RORA: variants seen among roughly 807,000 people sequenced by gnomAD.
RORA encodes the protein RAR related orphan receptor A, also known as nuclear receptor ROR-alpha.
Under a neutral mutation model 69.5 loss-of-function variants are expected in RORA, and 7 were observed. The ratio of observed to expected loss-of-function variants is 0.10; its 90% CI spans 0.06 to 0.19. The LOEUF (loss-of-function observed/expected upper bound fraction) is 0.19. Among genes scored for constraint, RORA ranks in the 10% least tolerant of loss-of-function variants. RORA has a pLI of 1.00. For synonymous variants in RORA, 261 were observed against 240.8 expected (o/e 1.08, Z -0.78); for missense variants, 457 against 663.0 (o/e 0.69, Z 3.41).
intron 1 of RORA, among the ~76,000 whole-genome samples, chr15:60,735,749 G>T (rs932834006): frequency 6.6e-6 from 1 of 152,150 alleles, no homozygotes; most frequent in African/African-American, 2.4e-5. Context: ...AGGCAGTTTG[G>T]CAGGAAACAC....
chr15:60,856,659 AGT>A (rs2140420065), intron 1 of RORA, among the ~76,000 whole-genome samples: 1 of 152,344 alleles, frequency 6.6e-6, no homozygotes, highest in Admixed American at 6.5e-5. Flanking sequence ...TATGCTGTAG[AGT>A]GTGAATTCAG....
intron 1 of RORA, among the ~76,000 whole-genome samples, chr15:61,211,696 T>A (rs1165921225): frequency 6.6e-6 from 1 of 152,174 alleles, no homozygotes; most frequent in Non-Finnish European, 1.5e-5. Context: ...GGGATGCCTT[T>A]CCAACAGGGC....
chr15:61,040,421 T>A (rs1896702784), intron 1 of RORA, among the ~76,000 whole-genome samples: 1 of 151,936 alleles, frequency 6.6e-6, no homozygotes, highest in Admixed American at 6.6e-5. Flanking sequence ...CAGCTCACGA[T>A]ACCTATTTTA....
chr15:61,052,947 A>G (rs1048972913), intron 1 of RORA, among the ~76,000 whole-genome samples: 1 of 152,206 alleles, frequency 6.6e-6, no homozygotes, highest in Non-Finnish European at 1.5e-5. Context: ...AATTCACTGA[A>G]AGTGCTTTGG....
At chr15:60,516,174 T>TATATATATTTAA (rs2065928854) in intron 3 of RORA, among the ~76,000 whole-genome samples, 2 of 24,728 alleles carry the variant, frequency 8.1e-5, no homozygotes, top group Non-Finnish European at 6.2e-5. Context: ...TATATATATT[T>TATATATATTTAA]ATATATATAT....
chr15:60,670,999 G>A (rs1282781116), intron 2 of RORA, among the ~76,000 whole-genome samples: 1 of 149,382 alleles, frequency 6.7e-6, no homozygotes, highest in East Asian at 2.0e-4. Context: ...CCAGTCCTAA[G>A]TTCAGATATG....
At chr15:60,635,641 G>A (rs539812397) in intron 2 of RORA, among the ~76,000 whole-genome samples, 8 of 152,242 alleles carry the variant, frequency 5.3e-5, no homozygotes, top group African/African-American at 1.4e-4. Flanking sequence ...TTTAAAAGGC[G>A]TTTCCAAAGT....
chr15:60,791,232 T>G (rs1270403376), intron 1 of RORA, among the ~76,000 whole-genome samples: 1 of 152,156 alleles, frequency 6.6e-6, no homozygotes, highest in Non-Finnish European at 1.5e-5. Flanking sequence ...GATATAGACT[T>G]GATAATATTA....
At chr15:60,883,159 A>AGG (rs2073709942) in intron 1 of RORA, among the ~76,000 whole-genome samples, 5 of 91,608 alleles carry the variant, frequency 5.5e-5, no homozygotes, top group African/African-American at 1.2e-4. Flanking sequence ...AAAGAAAGAG[A>AGG]GAGAGAGAGA....
Position 60,618,406 on chromosome 15 carries a change from C to T in RORA, c.196+60251G>A, listed in dbSNP as rs563246557. ...GATCCCATACACGCACATCTTGAAG[C>T]CCGTCCTTTGTGTTCAGTATTGCAC... On this transcript the variant is annotated intron_variant, in intron 2 of 10. Transcript: ENST00000335670. 4.6e-5 allele frequency among the ~76,000 whole-genome samples: 7 copies of T among 152,274 alleles called. No individual in the cohort carries two copies. In the East Asian group the frequency reaches 1.4e-3, roughly 29 times the overall value.
At chr15:60,855,396 C>G (rs1399038042) in intron 1 of RORA, among the ~76,000 whole-genome samples, 2 of 152,152 alleles carry the variant, frequency 1.3e-5, no homozygotes, top group Non-Finnish European at 2.9e-5. Flanking sequence ...TATAGCTACA[C>G]AGAGCCATGT....
chr15:60,845,700 G>A (rs903090078), intron 1 of RORA, among the ~76,000 whole-genome samples: 60 of 152,096 alleles, frequency 3.9e-4, no homozygotes, highest in African/African-American at 1.2e-3. Context: ...GAGTTAATTC[G>A]CATTAAAGTA....
chr15:60,805,466 T>TTCA (rs2072647367), intron 1 of RORA, among the ~76,000 whole-genome samples: 1 of 152,148 alleles, frequency 6.6e-6, no homozygotes, highest in South Asian at 2.1e-4. Context: ...AGGGACTGGG[T>TTCA]TTGAGCCCAG....
intron 1 of RORA, among the ~76,000 whole-genome samples, chr15:60,799,426 C>T (rs765645699): frequency 1.3e-5 from 2 of 151,974 alleles, no homozygotes; most frequent in African/African-American, 4.8e-5. Flanking sequence ...AATATGGAGT[C>T]GAGACACTTC....
intron 3 of RORA, among the ~76,000 whole-genome samples, chr15:60,518,504 A>G (rs916851178): frequency 6.6e-6 from 1 of 152,230 alleles, no homozygotes; most frequent in African/African-American, 2.4e-5. Flanking sequence ...TAACTCCTAC[A>G]TACAGCAAAC....
At chr15:60,754,878 T>A (rs560006030) in intron 1 of RORA, among the ~76,000 whole-genome samples, 1 of 152,260 alleles carries the variant, frequency 6.6e-6, no homozygotes, top group South Asian at 2.1e-4. Context: ...TTCTCTTTCC[T>A]TCTAATGTCT....
chr15:60,578,795 G>C lies in RORA; in HGVS notation c.197-46944C>G, dbSNP rs948993177. On this transcript the variant is annotated intron_variant, in intron 2 of 10. Transcript: ENST00000335670. ...TTTTTTTTTTTTGAGACAGAGTCTCGCTCTGTTGCCCAGGCTGGAGTTAAG... is the reference window on the plus strand; with the variant it reads ...TTTTTTTTTTTTGAGACAGAGTCTCCCTCTGTTGCCCAGGCTGGAGTTAAG... 2.0e-3 allele frequency among the ~76,000 whole-genome samples: 279 copies of C among 141,650 alleles called. 3 individuals are homozygous for C. Among genetic ancestry groups the C allele is most frequent in the African/African-American group, 7.2e-3 (272 of 37,840 alleles). The allele number at this position is 141,650 out of a possible 152,430, so 92.9% of individuals were successfully genotyped here. A position where few individuals can be genotyped will look rare whatever the true frequency, so the allele number is the denominator to read the frequency against.
chr15:60,559,080 T>C (rs1163520747), intron 2 of RORA, among the ~76,000 whole-genome samples: 1 of 152,042 alleles, frequency 6.6e-6, no homozygotes, highest in Non-Finnish European at 1.5e-5. Flanking sequence ...CAAAATCTAA[T>C]AAAAATCAAA....
intron 3 of RORA, among the ~76,000 whole-genome samples, chr15:60,523,083 C>T (rs2066231495): frequency 6.8e-6 from 1 of 146,100 alleles, no homozygotes; most frequent in Admixed American, 7.0e-5. Flanking sequence ...TATAATAATG[C>T]AGATTAAACT....
Sources: gnomAD v4.1 joint callset for allele counts (sites outside exome capture counted in the v4.1 genomes callset) on GRCh38, gnomAD v4.1.1 for gene constraint, MANE v1.5 for transcripts, NCBI Gene and HGNC (gene_info 2026-07-23, HGNC 2026-07-21) for gene names.